The following CHFR variants were observed in gnomAD, a reference collection of about 807,000 sequenced individuals.
CHFR encodes checkpoint with forkhead and ring finger domains, also known as E3 ubiquitin-protein ligase CHFR.
CHFR carries 57 observed loss-of-function variants against 87.6 expected under a neutral mutation model. The ratio of observed to expected loss-of-function variants is 0.65; its 90% CI spans 0.53 to 0.81. The LOEUF is 0.81. Ranked by LOEUF, CHFR falls within the 30% of genes least tolerant of loss-of-function variation. The pLI is 0.00. For synonymous variants in CHFR, 381 were observed against 359.2 expected, an observed-to-expected ratio of 1.06 and a Z score of -0.69; for missense variants, 797 against 865.8, an observed-to-expected ratio of 0.92 and a Z score of 1.00.
chr12:132,875,480 A>G (rs888429294), intron 3 of CHFR, among the ~76,000 whole-genome samples: 2 of 152,000 alleles, frequency 1.3e-5, no homozygotes, highest in African/African-American at 4.8e-5. Flanking sequence ...CATCTGAGCT[A>G]GGCGTGGCGG....
chr12:132,834,952 C>G lies in CHFR; in HGVS notation c.*6602G>C, dbSNP rs1380055836. The G allele has an allele frequency of 6.6e-6, 1 of 151,624 alleles. No individual in the cohort carries two copies. The highest frequency in any genetic ancestry group is 1.5e-5 in the Non-Finnish European group (1 of 67,932). 9.4% of individuals were successfully genotyped at this position (151,624 alleles called of 1,614,324 possible). A position where few individuals can be genotyped will look rare whatever the true frequency, so the allele number is the denominator to read the frequency against. ...CAGGATGGTCTCGATCTCCTGACCT[C>G]GTGATCCGCCCGCCTCAGCCTCCCA... On this transcript the variant is annotated 3_prime_UTR_variant, in exon 18 of 18. Transcript: ENST00000450056.
At chr12:132,849,260 T>G (rs1950889832) in intron 12 of CHFR, 1 of 152,514 alleles carries the variant, frequency 6.6e-6, no homozygotes, top group South Asian at 2.1e-4. Context: ...CAGACCCACA[T>G]CGTTTCTTAA....
intron 7 of CHFR, 78 bp from the exon 8 acceptor site, chr12:132,859,305 G>A (rs1340466187): frequency 7.4e-7 from 1 of 1,360,034 alleles, no homozygotes; most frequent in African/African-American, 1.5e-5. Flanking sequence ...CCCGTCCACA[G>A]GAGAAAGGGA....
At chr12:132,846,996 T>C in intron 15 of CHFR, 47 bp downstream of exon 15, 5 of 1,404,634 alleles carry the variant, frequency 3.6e-6, no homozygotes, top group Non-Finnish European at 5.0e-6. Flanking sequence ...GGCACAGCCC[T>C]GGACACTCAC....
intron 12 of CHFR, chr12:132,848,975 C>G (rs889293718): frequency 1.1e-5 from 5 of 475,434 alleles, no homozygotes; most frequent in Non-Finnish European, 1.5e-5. Flanking sequence ...GAGATGGAGT[C>G]TCGCTCTGTG....
intron 2 of CHFR, among the ~76,000 whole-genome samples, chr12:132,883,547 A>C (rs1951817047): frequency 1.3e-5 from 2 of 151,786 alleles, no homozygotes; most frequent in Admixed American, 1.3e-4. Context: ...AACATGGTGA[A>C]ACCCTGTCTC....
chr12:132,835,741 C>A lies in CHFR; in HGVS notation c.*5813G>T. 1 of 264,234 alleles carries A rather than the reference C, an allele frequency of 3.8e-6. No homozygotes were observed. Among genetic ancestry groups the A allele is most frequent in the Non-Finnish European group, 7.5e-6 (1 of 133,618 alleles). 16.4% of individuals were successfully genotyped at this position (264,234 alleles called of 1,614,324 possible). A position where few individuals can be genotyped will look rare whatever the true frequency, so the allele number is the denominator to read the frequency against. On this transcript the variant is annotated 3_prime_UTR_variant, in exon 18 of 18. Transcript: ENST00000450056. Reference sequence around the variant, plus strand: ...TCTGCGGCGTTTTGATCCAGCGGCCCAAGTGGACCCACATTCAAGGCCAGC... The same window carrying A: ...TCTGCGGCGTTTTGATCCAGCGGCCAAAGTGGACCCACATTCAAGGCCAGC...
intron 17 of CHFR, 101 bp from the exon 18 acceptor site, chr12:132,841,697 C>G: frequency 1.1e-6 from 1 of 948,344 alleles, no homozygotes; most frequent in South Asian, 1.3e-5. Flanking sequence ...TAAACGCATT[C>G]GGAAACCATA....
At chr12:132,843,172 C>T (rs1488526483) in intron 16 of CHFR, 89 bp from the exon 17 acceptor site, 9 of 1,204,826 alleles carry the variant, frequency 7.5e-6, no homozygotes, top group Non-Finnish European at 8.5e-6. Flanking sequence ...CAACGACAGA[C>T]GCTGCGGTGG....
At chr12:132,886,768 T>C (rs1316897731) in intron 2 of CHFR, among the ~76,000 whole-genome samples, 2 of 152,242 alleles carry the variant, frequency 1.3e-5, no homozygotes, top group Non-Finnish European at 2.9e-5. Context: ...TGGTGTATTC[T>C]ATTTTTGTTT....
chr12:132,858,130 G>A (rs1179043876), intron 8 of CHFR, among the ~76,000 whole-genome samples: 1 of 152,194 alleles, frequency 6.6e-6, no homozygotes, highest in South Asian at 2.1e-4. Flanking sequence ...GCCAAGGTGG[G>A]CAGATTACCT....
At chr12:132,864,614 G>A (rs1310744904) in intron 6 of CHFR, among the ~76,000 whole-genome samples, 2 of 151,982 alleles carry the variant, frequency 1.3e-5, no homozygotes, top group African/African-American at 4.8e-5. Flanking sequence ...TCAGCCTCCC[G>A]AGTAGCTGGG....
intron 2 of CHFR, among the ~76,000 whole-genome samples, chr12:132,879,946 T>C (rs914749349): frequency 6.6e-6 from 1 of 152,188 alleles, no homozygotes; most frequent in Non-Finnish European, 1.5e-5. Context: ...ATCACTGACC[T>C]ATGGGTGTGT....
Position 132,834,345 on chromosome 12 carries a change from G to GCC in CHFR, c.*7207_*7208dup, listed in dbSNP as rs1220684747. On this transcript the variant is annotated 3_prime_UTR_variant, in exon 18 of 18. Transcript: ENST00000450056. ...AAGCGGATGTTGGGTGCTCAGCCAT[G>GCC]CCCCACACTCCACCTCCAACCACAG... 6.6e-6 allele frequency: 1 copy of GCC among 152,428 alleles called. No homozygotes were observed. The highest frequency in any genetic ancestry group is 6.5e-5 in the Admixed American group (1 of 15,268). The allele number at this position is 152,428 out of a possible 1,614,324, so 9.4% of individuals were successfully genotyped here.
chr12:132,870,485 C>T (rs568419665), intron 5 of CHFR, among the ~76,000 whole-genome samples: 1 of 149,972 alleles, frequency 6.7e-6, no homozygotes, highest in Admixed American at 6.7e-5. Flanking sequence ...GAGCCGAGAT[C>T]GCGCCACTGC....
chr12:132,859,262 A>G, intron 7 of CHFR, 35 bp from the exon 8 acceptor site: 6 of 1,585,744 alleles, frequency 3.8e-6, no homozygotes, highest in Non-Finnish European at 5.2e-6. Context: ...GTCGTAACCA[A>G]GAAGGAAATA....
rs1950672050 is a variant in CHFR, at chr12:132,839,353, C to T, written c.*2201G>A. ...AACTCAGGAACTCCCCTCTCGGCCT[C>T]ACCCCCGCACTAACTCAGGACCTCC... On this transcript the variant is annotated 3_prime_UTR_variant, in exon 18 of 18. Coordinates refer to ENST00000450056, the MANE Select transcript of CHFR (RefSeq NM_001161346.2). The T allele has an allele frequency of 1.2e-5, 2 of 162,916 alleles. No individual in the cohort carries two copies. The highest frequency in any genetic ancestry group is 6.6e-5 in the Admixed American group (1 of 15,260). The allele number at this position is 162,916 out of a possible 1,614,324, so 10.1% of individuals were successfully genotyped here. A position where few individuals can be genotyped will look rare whatever the true frequency, so the allele number is the denominator to read the frequency against.
intron 14 of CHFR, 92 bp downstream of exon 14, chr12:132,847,993 A>C: frequency 2.5e-6 from 4 of 1,595,614 alleles, no homozygotes; most frequent in Non-Finnish European, 3.4e-6. Flanking sequence ...GTCAGGTAAA[A>C]CAGATAAACA....
Position 132,836,905 on chromosome 12 carries a change from G to A in CHFR, c.*4649C>T. The A allele has an allele frequency of 2.6e-6, 1 of 379,880 alleles. No homozygotes were observed. Among genetic ancestry groups the A allele is most frequent in the South Asian group, 2.0e-5 (1 of 51,042 alleles). The allele number at this position is 379,880 out of a possible 1,614,324, so 23.5% of individuals were successfully genotyped here. On this transcript the variant is annotated 3_prime_UTR_variant, in exon 18 of 18. Transcript: ENST00000450056. Reference sequence around the variant, plus strand: ...ACAAATAAACAACAGTGGGCAGACAGGCAAGATCCCTGCTCTATTTTTTTG... The same window carrying A: ...ACAAATAAACAACAGTGGGCAGACAAGCAAGATCCCTGCTCTATTTTTTTG...
Sources: gnomAD v4.1 joint callset for allele counts (sites outside exome capture counted in the v4.1 genomes callset) on GRCh38, gnomAD v4.1.1 for gene constraint, MANE v1.5 for transcripts, NCBI Gene and HGNC (gene_info 2026-07-23, HGNC 2026-07-21) for gene names.